Variants in GPHN observed in about 807,000 individuals in gnomAD.
GPHN encodes gephyrin.
A neutral mutation model predicts 95.5 loss-of-function variants in GPHN; 17 were observed. The ratio of observed to expected loss-of-function variants is 0.18; its 90% confidence interval spans 0.12 to 0.27. The LOEUF is 0.27. GPHN is among the 10% of genes least tolerant of loss of function. The probability of loss-of-function intolerance (pLI) is 1.00; values close to 1 mark genes in which losing one functional copy is unlikely to be tolerated. For synonymous variants in GPHN, 320 were observed against 322.5 expected (o/e 0.99, Z 0.08); for missense variants, 660 against 978.1 (o/e 0.67, Z 4.34).
the GPHN span, chr14:67,656,485 G>A: frequency 6.2e-7 from 1 of 1,613,754 alleles, no homozygotes; most frequent in African/African-American, 1.3e-5. Flanking sequence ...AGCCAATCTG[G>A]TCAGTCTCTG....
chr14:66,736,633 G>C (rs1422021595), intron 2 of GPHN, among the ~76,000 whole-genome samples: 1 of 151,790 alleles, frequency 6.6e-6, no homozygotes, highest in Non-Finnish European at 1.5e-5. Context: ...CTGAACTCCT[G>C]ACCTCAGGTT....
chr14:66,965,419 C>T, intron 9 of GPHN, 94 bp downstream of exon 9: 1 of 1,119,362 alleles, frequency 8.9e-7, no homozygotes, highest in Non-Finnish European at 1.4e-6. Context: ...GGTTGGATTG[C>T]ATGCAAGATT....
At chr14:67,034,889 A>G (rs1190740822) in intron 10 of GPHN, among the ~76,000 whole-genome samples, 1 of 152,122 alleles carries the variant, frequency 6.6e-6, no homozygotes, top group Non-Finnish European at 1.5e-5. Flanking sequence ...AAAGATTAAT[A>G]AGGAAACAGA....
chr14:66,774,666 A>G (rs1045921891), intron 2 of GPHN, among the ~76,000 whole-genome samples: 1 of 152,172 alleles, frequency 6.6e-6, no homozygotes, highest in African/African-American at 2.4e-5. Flanking sequence ...TTTCAAAGTA[A>G]TTGAACATAA....
chr14:67,029,178 T>C (rs920371027), intron 10 of GPHN, among the ~76,000 whole-genome samples: 1 of 152,114 alleles, frequency 6.6e-6, no homozygotes, highest in African/African-American at 2.4e-5. Flanking sequence ...GGTTCCCTAT[T>C]CTGTTTCATT....
chr14:66,845,253 T>G (rs1463927580), intron 4 of GPHN, among the ~76,000 whole-genome samples: 1 of 152,130 alleles, frequency 6.6e-6, no homozygotes, highest in East Asian at 1.9e-4. Flanking sequence ...ATTTAATACT[T>G]TAGTCCAAGA....
At chr14:67,114,131 T>C (rs1489547066) in intron 16 of GPHN, among the ~76,000 whole-genome samples, 4 of 152,224 alleles carry the variant, frequency 2.6e-5, no homozygotes, top group Non-Finnish European at 4.4e-5. Context: ...TGCAAATAGA[T>C]AGCTAAATCA....
chr14:66,897,627 T>A (rs780813433), intron 5 of GPHN, among the ~76,000 whole-genome samples: 11 of 152,148 alleles, frequency 7.2e-5, no homozygotes, highest in Middle Eastern at 3.2e-3. Flanking sequence ...AAGCATAATT[T>A]CCTGGAGATT....
At chr14:67,306,567 C>A in the GPHN span, among the ~76,000 whole-genome samples, 1 of 151,590 alleles carries the variant, frequency 6.6e-6, no homozygotes, top group Non-Finnish European at 1.5e-5. Flanking sequence ...CAGAGTTTCA[C>A]CATGTTGGCC....
chr14:67,070,682 G>A (rs2076252215), intron 11 of GPHN, among the ~76,000 whole-genome samples: 1 of 95,050 alleles, frequency 1.1e-5, no homozygotes, highest in Admixed American at 1.3e-4. Flanking sequence ...GTGACAGAGT[G>A]AGACTTCATC....
At chr14:67,451,525 C>T in the GPHN span, among the ~76,000 whole-genome samples, 1 of 152,204 alleles carries the variant, frequency 6.6e-6, no homozygotes, top group African/African-American at 2.4e-5. Flanking sequence ...GGATGTGAGA[C>T]ATGGAATCAA....
downstream of GPHN, among the ~76,000 whole-genome samples, chr14:67,185,999 G>A (rs548078229): frequency 6.6e-5 from 10 of 152,266 alleles, no homozygotes; most frequent in South Asian, 2.1e-3. Flanking sequence ...TTGACTCTCT[G>A]TGTTATGTTG....
At chr14:66,731,853 C>T (rs1027546338) in intron 2 of GPHN, among the ~76,000 whole-genome samples, 3 of 152,158 alleles carry the variant, frequency 2.0e-5, no homozygotes, top group Admixed American at 2.0e-4. Flanking sequence ...CTGCTCTGTG[C>T]AGCCTTGGGA....
At chr14:67,455,351 T>C in the GPHN span, among the ~76,000 whole-genome samples, 1 of 152,134 alleles carries the variant, frequency 6.6e-6, no homozygotes, top group African/African-American at 2.4e-5. Context: ...CTGTCTGCAG[T>C]ATTCTTCCTT....
the GPHN span, among the ~76,000 whole-genome samples, chr14:67,239,017 A>C: frequency 6.6e-6 from 1 of 152,192 alleles, no homozygotes; most frequent in Non-Finnish European, 1.5e-5. Context: ...TTTAAAAAGG[A>C]ATTTCACATA....
intron 18 of GPHN, among the ~76,000 whole-genome samples, chr14:67,146,954 A>G (rs2080932485): frequency 6.6e-6 from 1 of 152,134 alleles, no homozygotes. Flanking sequence ...AGCTGCTTGA[A>G]CCTGGGAGGT....
intron 19 of GPHN, among the ~76,000 whole-genome samples, chr14:67,164,741 C>A (rs112537642): frequency 0.051 from 7,736 of 152,208 alleles, 211 homozygotes; most frequent in Middle Eastern, 0.068. Context: ...ATCCACCCCC[C>A]TCAGCCTCCC....
chr14:67,343,304 C>G, the GPHN span: 6 of 1,233,916 alleles, frequency 4.9e-6, no homozygotes, highest in Admixed American at 1.9e-5. Flanking sequence ...TCCCTGAATT[C>G]TAGCAGTTTC....
At chr14:67,650,544 A>C in the GPHN span, 7 of 619,088 alleles carry the variant, frequency 1.1e-5, no homozygotes, top group South Asian at 1.4e-4. Context: ...TTTTAACTTA[A>C]ATTCATGGCC....
Sources: gnomAD v4.1 joint callset for allele counts (sites outside exome capture counted in the v4.1 genomes callset) on GRCh38, gnomAD v4.1.1 for gene constraint, MANE v1.5 for transcripts, NCBI Gene and HGNC (gene_info 2026-07-23, HGNC 2026-07-21) for gene names.